Variants in ANK2 observed in about 807,000 individuals in gnomAD.
ANK2 encodes the protein ankyrin 2.
In ANK2, 83 loss-of-function variants were observed where a neutral mutation model predicts 360.5. That is an observed-to-expected ratio of 0.23 (90% CI 0.19 to 0.28). The LOEUF (loss-of-function observed/expected upper bound fraction) is 0.28, where lower values mean the gene tolerates loss of function less well. ANK2 is among the 10% of genes least tolerant of loss of function. The pLI is 1.00. For synonymous variants in ANK2, 1,740 were observed against 1,759.5 expected, an observed-to-expected ratio of 0.99 and a Z score of 0.28; for missense variants, 4,201 against 4,795.7, an observed-to-expected ratio of 0.88 and a Z score of 3.66.
At chr4:113,191,723 CAG>C (rs1187850492) in intron 2 of ANK2, among the ~76,000 whole-genome samples, 2 of 152,142 alleles carry the variant, frequency 1.3e-5, no homozygotes, top group Non-Finnish European at 2.9e-5. Flanking sequence ...AAATTACAAA[CAG>C]AATTAACCTA....
At chr4:112,763,418 G>C in the ANK2 span, among the ~76,000 whole-genome samples, 9 of 151,956 alleles carry the variant, frequency 5.9e-5, no homozygotes, top group Non-Finnish European at 1.2e-4. Context: ...TCTTTTAGTA[G>C]ATACGGGGTT....
At chr4:112,892,845 G>A (rs959745059) in intron 1 of ANK2, among the ~76,000 whole-genome samples, 4 of 152,184 alleles carry the variant, frequency 2.6e-5, no homozygotes, top group African/African-American at 9.7e-5. Context: ...ATATTAGTTT[G>A]ATGTCTGCAA....
At chr4:112,953,794 G>A (rs1316466118) in intron 2 of ANK2, among the ~76,000 whole-genome samples, 1 of 152,126 alleles carries the variant, frequency 6.6e-6, no homozygotes, top group Admixed American at 6.5e-5. Flanking sequence ...GTGCTTGGTG[G>A]TTTAATAAGC....
rs1218622731 is a variant in ANK2, at chr4:113,027,050, T to C, written c.21+122536T>C. On this transcript the variant is annotated intron_variant, in intron 2 of 30. Coordinates refer to the ANK2 transcript ENST00000503271. ...AGGAATCCATCTGTTTCAGTGAAGA[T>C]GGCGTGCTGGATATGGGGAATACCT... Among the ~76,000 whole-genome samples the C allele has an allele frequency of 3.3e-5, 5 of 152,108 alleles. No individual in the cohort carries two copies. In the East Asian group the frequency reaches 9.7e-4, roughly 29 times the overall value.
rs764760708 is a variant in ANK2, at chr4:113,333,122, G to A, written c.3293G>A (p.Arg1098His). ...AAGGAAAGGGAACTGGTGGTCCTGC[G>A]CAGTGAGAATGGGGACAGCTGGAAA... ...RGKERELVVLRSENGDSWKEH... is the reference protein window; with the variant it reads ...RGKERELVVLHSENGDSWKEH... Residue 1098 changes from arginine to histidine, a missense_variant, in exon 29 of 46, where the codon CGC becomes CAC. By Grantham distance (29) the Arg-to-His change is conservative. Around this residue, in one of 4 missense-constraint regions of ANK2, gnomAD observed 1,268 missense variants for 1,650.8 expected, o/e 0.77. Transcript: ENST00000357077. 24 of 1,614,080 alleles carry A rather than the reference G, an allele frequency of 1.5e-5. No individual in the cohort carries two copies. Among genetic ancestry groups the A allele is most frequent in the East Asian group, 2.2e-5 (1 of 44,902 alleles).
chr4:112,945,748 T>G (rs570462087), intron 2 of ANK2, among the ~76,000 whole-genome samples: 1 of 152,158 alleles, frequency 6.6e-6, no homozygotes, highest in South Asian at 2.1e-4. Context: ...TTATCATGAG[T>G]GATGGTTGTC....
chr4:112,740,885 G>A, the ANK2 span, among the ~76,000 whole-genome samples: 1 of 152,058 alleles, frequency 6.6e-6, no homozygotes, highest in Non-Finnish European at 1.5e-5. Context: ...TGCTACTCAG[G>A]AGGCTAAGGC....
At chr4:113,373,046 T>C in intron 43 of ANK2, 44 bp from the exon 44 acceptor site, 1 of 1,505,374 alleles carries the variant, frequency 6.6e-7, no homozygotes, top group Non-Finnish European at 9.3e-7. Context: ...TTCCTCAGAA[T>C]TGGTGCCAAA....
intron 4 of ANK2, among the ~76,000 whole-genome samples, chr4:113,213,237 G>C (rs978663058): frequency 1.3e-5 from 2 of 152,126 alleles, no homozygotes; most frequent in African/African-American, 2.4e-5. Context: ...AAAATGTATT[G>C]TGTTTACATT....
intron 2 of ANK2, among the ~76,000 whole-genome samples, chr4:112,929,362 A>G (rs1235163294): frequency 6.6e-6 from 1 of 152,236 alleles, no homozygotes; most frequent in Non-Finnish European, 1.5e-5. Context: ...TTATTAATTC[A>G]TTAAGTAAAT....
chr4:113,146,882 C>T (rs995580939), intron 1 of ANK2, among the ~76,000 whole-genome samples: 2 of 152,090 alleles, frequency 1.3e-5, no homozygotes, highest in African/African-American at 4.8e-5. Context: ...GAGGCAGAGG[C>T]GTTTGTACTT....
chr4:112,985,135 G>A (rs1351287476), intron 2 of ANK2, among the ~76,000 whole-genome samples: 3 of 152,144 alleles, frequency 2.0e-5, no homozygotes. Flanking sequence ...AGACATATCT[G>A]TATTTCTAAC....
intron 23 of ANK2, among the ~76,000 whole-genome samples, chr4:113,307,974 C>T (rs183068733): frequency 6.6e-5 from 10 of 152,160 alleles, no homozygotes; most frequent in East Asian, 1.9e-4. Context: ...AGGTAACAAT[C>T]GGAAGGAAGT....
chr4:112,915,936 A>G (rs1298414815), intron 2 of ANK2, among the ~76,000 whole-genome samples: 1 of 152,128 alleles, frequency 6.6e-6, no homozygotes, highest in East Asian at 1.9e-4. Flanking sequence ...TTATCACAGA[A>G]TTTTATATAC....
At chr4:113,374,755 G>A (rs1434243702) in intron 45 of ANK2, 3 of 1,069,322 alleles carry the variant, frequency 2.8e-6, no homozygotes, top group Admixed American at 4.4e-5. Context: ...TGTGTCCTTC[G>A]ATCATTAGGT....
At chr4:113,163,764 CAAAAAAAAAAAAAAAAAAAA>C (rs1158530849) in intron 1 of ANK2, among the ~76,000 whole-genome samples, 1 of 55,046 alleles carries the variant, frequency 1.8e-5, no homozygotes, top group African/African-American at 5.6e-5. Flanking sequence ...AACTTCGTCT[CAAAAAAAAAAAAAAAAAAAA>C]AAAAAAAAGA....
At chr4:112,757,699 C>T in the ANK2 span, among the ~76,000 whole-genome samples, 1 of 152,126 alleles carries the variant, frequency 6.6e-6, no homozygotes, top group Admixed American at 6.5e-5. Flanking sequence ...AATCATGAAG[C>T]TTTTGACTCA....
At chr4:112,760,808 CTTT>C in the ANK2 span, among the ~76,000 whole-genome samples, 2 of 138,266 alleles carry the variant, frequency 1.4e-5, no homozygotes, top group Admixed American at 7.3e-5. Flanking sequence ...TCTTCTTCTT[CTTT>C]TTTTTTTTTT....
intron 29 of ANK2, 30 bp downstream of exon 29, chr4:113,333,238 A>G: frequency 6.2e-7 from 1 of 1,613,496 alleles, no homozygotes; most frequent in Non-Finnish European, 8.5e-7. Flanking sequence ...TTTAAAAGAA[A>G]TCTAAACTGG....
Sources: allele counts gnomAD v4.1 joint callset (sites outside exome capture counted in the v4.1 genomes callset), GRCh38; gene constraint gnomAD v4.1.1; regional missense constraint gnomAD v4.1.1; transcripts MANE v1.5; gene names NCBI Gene and HGNC (gene_info 2026-07-23, HGNC 2026-07-21).